Variants in ALS2 observed in about 807,000 individuals in gnomAD.
ALS2 encodes alsin Rho guanine nucleotide exchange factor ALS2.
ALS2 carries 117 observed loss-of-function variants against 203.4 expected under a neutral mutation model. The ratio of observed to expected loss-of-function variants is 0.58; its 90% CI spans 0.50 to 0.67. The LOEUF (loss-of-function observed/expected upper bound fraction) is 0.67. Among genes scored for constraint, ALS2 ranks in the 30% least tolerant of loss-of-function variants. The pLI is 0.00. For missense variants in ALS2, 1,715 were observed against 1,989.4 expected, an observed-to-expected ratio of 0.86 and a Z score of 2.62; for synonymous variants, 718 against 725.9, an observed-to-expected ratio of 0.99 and a Z score of 0.17.
At chr2:201,772,588 A>T (rs889230990) in intron 1 of ALS2, among the ~76,000 whole-genome samples, 2 of 152,216 alleles carry the variant, frequency 1.3e-5, no homozygotes, top group Non-Finnish European at 2.9e-5. Context: ...AGTGTTATAT[A>T]ATATATAGTT....
Position 201,761,083 on chromosome 2 carries a change from T to G in ALS2, c.911A>C (p.Glu304Ala). 1 of 1,614,190 alleles carries G rather than the reference T, an allele frequency of 6.2e-7. No homozygotes were observed. Among genetic ancestry groups the G allele is most frequent in the Non-Finnish European group, 8.5e-7 (1 of 1,180,038 alleles). Residue 304 changes from glutamate (E) to alanine (A), a missense_variant, in exon 4 of 34, where the codon GAA becomes GCA. Coordinates refer to ENST00000264276, the MANE Select transcript of ALS2 (RefSeq NM_020919.4). ...LVANDQSVAT[E>A]LNAVSAQITS... The stretch of plus-strand genomic sequence containing the variant: ...GATCTGAGCACTTACTGCATTCAGT[T>G]CAGTAGCAACAGACTGATCATTTGC...
chr2:201,763,564 G>T, intron 3 of ALS2: 1 of 312,050 alleles, frequency 3.2e-6, no homozygotes, highest in South Asian at 7.7e-5. Context: ...CTCTAGCTGT[G>T]GCTACAACAT....
At chr2:201,724,135 AG>A (rs1245852945) in intron 21 of ALS2, among the ~76,000 whole-genome samples, 159 bp downstream of exon 21, 1 of 152,122 alleles carries the variant, frequency 6.6e-6, no homozygotes, top group African/African-American at 2.4e-5. Context: ...AGTAAATAAA[AG>A]GGTTTGTCAT....
chr2:201,723,295 A>T lies in ALS2; in HGVS notation c.3624+35T>A, dbSNP rs764701932. 2.0e-6 allele frequency: 3 copies of T among 1,537,718 alleles called. No homozygotes were observed. The Admixed American group carries it at 5.0e-5, about 26-fold the overall frequency. ...AGTTAAGGACAAAGGAGCTTTAAAA[A>T]GTTAGTAATAACTACATGCAAATAT... On this transcript the variant is annotated intron_variant, in intron 22 of 33. Coordinates refer to ENST00000264276, the MANE Select transcript of ALS2 (RefSeq NM_020919.4).
chr2:201,733,044 A>T (rs890345358), intron 13 of ALS2, among the ~76,000 whole-genome samples: 2 of 152,118 alleles, frequency 1.3e-5, no homozygotes. Context: ...TCATAAAATG[A>T]ATACAGTTTA....
chr2:201,763,865 TA>T (rs1693909773), intron 3 of ALS2, among the ~76,000 whole-genome samples: 1 of 152,200 alleles, frequency 6.6e-6, no homozygotes, highest in South Asian at 2.1e-4. Flanking sequence ...CTACGGGTTT[TA>T]AAAAATACTG....
intron 10 of ALS2, 33 bp downstream of exon 10, chr2:201,744,225 T>C: frequency 6.3e-7 from 1 of 1,596,192 alleles, no homozygotes; most frequent in African/African-American, 1.3e-5. Flanking sequence ...GACCTGATGG[T>C]TTAATGGTGG....
chr2:201,779,460 A>G (rs1694802052), intron 1 of ALS2, among the ~76,000 whole-genome samples: 1 of 152,216 alleles, frequency 6.6e-6, no homozygotes, highest in African/African-American at 2.4e-5. Context: ...AAATGTCCTT[A>G]TGGAACACCA....
intron 11 of ALS2, among the ~76,000 whole-genome samples, chr2:201,740,681 G>A (rs950535277): frequency 6.6e-6 from 1 of 152,070 alleles, no homozygotes; most frequent in African/African-American, 2.4e-5. Context: ...ATTTTGCTTA[G>A]AATTAAAATA....
chr2:201,739,392 A>G (rs1411903400), intron 11 of ALS2, among the ~76,000 whole-genome samples: 1 of 152,164 alleles, frequency 6.6e-6, no homozygotes, highest in African/African-American at 2.4e-5. Context: ...TAATTAAAAT[A>G]GTTGAATTTT....
intron 25 of ALS2, 122 bp from the exon 26 acceptor site, chr2:201,711,230 A>G: frequency 1.5e-6 from 1 of 684,692 alleles, no homozygotes; most frequent in Non-Finnish European, 2.6e-6. Flanking sequence ...GTAGTACTAA[A>G]CCCAACGAAC....
chr2:201,706,457 A>AAGAAG (rs1689721766), intron 29 of ALS2, among the ~76,000 whole-genome samples: 1 of 150,254 alleles, frequency 6.7e-6, no homozygotes, highest in Non-Finnish European at 1.5e-5. Flanking sequence ...GAGGAGAGAA[A>AAGAAG]AGAAGAGAAG....
chr2:201,720,178 C>A (rs1476454180), intron 23 of ALS2: 3 of 399,860 alleles, frequency 7.5e-6, no homozygotes, highest in East Asian at 9.2e-5. Flanking sequence ...AACTACAGAC[C>A]ATTACCTCTC....
Position 201,724,318 on chromosome 2 carries a change from A to G in ALS2, c.3489T>C (p.Tyr1163=), listed in dbSNP as rs756002929. Reference sequence around the variant, plus strand: ...ACCTAGTGATATCATCAAAGACACCATATCCTGCTTTCTTATCCATTACCC... The same window carrying G: ...ACCTAGTGATATCATCAAAGACACCGTATCCTGCTTTCTTATCCATTACCC... ...GQWVMDKKAG[Y]GVFDDITRGE... The change falls in exon 21 of 34, where the codon TAT becomes TAC. Residue 1163 remains tyrosine (Y), a synonymous_variant. Coordinates refer to ENST00000264276, the MANE Select transcript of ALS2 (RefSeq NM_020919.4). 3.1e-6 allele frequency: 5 copies of G among 1,614,024 alleles called. No individual in the cohort carries two copies. The highest frequency in any genetic ancestry group is 4.2e-6 in the Non-Finnish European group (5 of 1,179,904).
At chr2:201,717,252 G>A (rs1044175513) in intron 24 of ALS2, among the ~76,000 whole-genome samples, 2 of 151,694 alleles carry the variant, frequency 1.3e-5, no homozygotes, top group African/African-American at 4.8e-5. Context: ...ATCACTTGAG[G>A]TCAGGAGTTC....
intron 29 of ALS2, 51 bp from the exon 30 acceptor site, chr2:201,705,512 A>G (rs1049531015): frequency 2.4e-5 from 34 of 1,405,838 alleles, no homozygotes; most frequent in Middle Eastern, 4.2e-4. Flanking sequence ...TATGGTAAAC[A>G]AAATCCCATA....
intron 1 of ALS2, among the ~76,000 whole-genome samples, chr2:201,780,514 T>A (rs1208231866): frequency 6.6e-6 from 1 of 152,000 alleles, no homozygotes; most frequent in Admixed American, 6.5e-5. Context: ...TTCAAGAAAT[T>A]CTCGTGAATG....
At chr2:201,756,044 GA>G (rs1043106859) in intron 5 of ALS2, among the ~76,000 whole-genome samples, 4 of 152,162 alleles carry the variant, frequency 2.6e-5, no homozygotes, top group Admixed American at 6.5e-5. Context: ...AATTCTTAGA[GA>G]GGGGGAAAAG....
chr2:201,731,167 T>C (rs932945715), intron 13 of ALS2, among the ~76,000 whole-genome samples: 2 of 152,200 alleles, frequency 1.3e-5, no homozygotes, highest in African/African-American at 4.8e-5. Context: ...GTCACTCATT[T>C]TCATTTTTTC....
Sources: gnomAD v4.1 joint callset for allele counts (sites outside exome capture counted in the v4.1 genomes callset) on GRCh38, gnomAD v4.1.1 for gene constraint, MANE v1.5 for transcripts, NCBI Gene and HGNC (gene_info 2026-07-23, HGNC 2026-07-21) for gene names.